The following DIAPH2 variants were observed in gnomAD, a reference collection of about 807,000 sequenced individuals.
DIAPH2 encodes the protein diaphanous related formin 2, also known as protein diaphanous homolog 2.
A neutral mutation model predicts 92.7 loss-of-function variants in DIAPH2; 35 were observed. The ratio of observed to expected loss-of-function variants is 0.38; its 90% CI spans 0.29 to 0.50. DIAPH2 has a LOEUF of 0.50. Ranked by LOEUF, DIAPH2 falls within the 20% of genes least tolerant of loss-of-function variation. The pLI is 0.94. For missense variants in DIAPH2, 701 were observed against 819.5 expected, an observed-to-expected ratio of 0.86 and a Z score of 1.77; for synonymous variants, 301 against 280.4, an observed-to-expected ratio of 1.07 and a Z score of -0.73.
intron 17 of DIAPH2, among the ~76,000 whole-genome samples, chrX:97,022,038 A>G (rs778770036): frequency 1.8e-5 from 2 of 112,081 alleles, no homozygotes; most frequent in Non-Finnish European, 3.8e-5. Flanking sequence ...CTAAGTCTGC[A>G]TTACTGGAGG....
chrX:97,204,650 C>T (rs1185940829), intron 22 of DIAPH2, among the ~76,000 whole-genome samples: 2 of 111,070 alleles, frequency 1.8e-5, no homozygotes, highest in African/African-American at 6.6e-5. Context: ...AACTACAAAC[C>T]ACTGCTCAAG....
rs1280150650 is a variant in DIAPH2 at position 97,075,196 on chromosome X, T to C, written c.2182T>C (p.Tyr728His). 1 of 1,190,822 alleles carries C rather than the reference T, an allele frequency of 8.4e-7. No individual in the cohort carries two copies. The highest frequency in any genetic ancestry group is 1.9e-5 in the South Asian group (1 of 53,737). ...SIFLGSYRMP[Y>H]EDIRNVILEV... ...CTTTCTGGGATCATATCGCATGCCA[T>C]ATGAAGACATAAGAAACGTTATTCT... is the stretch of plus-strand genomic sequence containing the variant. The change falls in exon 19 of 27, where the codon TAT (tyrosine) becomes CAT (histidine). Residue 728 changes from tyrosine to histidine, a missense_variant. By Grantham distance (83) the Tyr-to-His change is moderately conservative. Coordinates refer to ENST00000324765, the MANE Select transcript of DIAPH2 (RefSeq NM_006729.5).
At chrX:97,322,012 C>T (rs757130964) in intron 23 of DIAPH2, among the ~76,000 whole-genome samples, 26 of 111,985 alleles carry the variant, frequency 2.3e-4, no homozygotes, top group African/African-American at 7.1e-4. Flanking sequence ...TTTGGAAGGA[C>T]GTATTTTTAT....
At chrX:96,946,141 A>AT (rs1225688674) in intron 14 of DIAPH2, among the ~76,000 whole-genome samples, 1 of 111,482 alleles carries the variant, frequency 9.0e-6, no homozygotes, top group East Asian at 2.8e-4. Context: ...GAATTTGAGG[A>AT]TCCCTTTTCT....
intron 22 of DIAPH2, among the ~76,000 whole-genome samples, chrX:97,217,276 G>A (rs181464464): frequency 1.5e-4 from 17 of 111,362 alleles, no homozygotes; most frequent in Admixed American, 1.4e-3. Context: ...GGTTTCCTTG[G>A]GCCGAATGGG....
At chrX:96,769,952 C>T (rs2064327856) in intron 4 of DIAPH2, among the ~76,000 whole-genome samples, 1 of 112,027 alleles carries the variant, frequency 8.9e-6, no homozygotes, top group Admixed American at 9.5e-5. Flanking sequence ...AACCCCAGCA[C>T]TTTGGGAGGC....
In DIAPH2 at chrX:97,600,072, T is replaced by C. The variant is rs1283481759; in HGVS notation, c.*755T>C. On this transcript the variant is annotated 3_prime_UTR_variant, in exon 27 of 27. Transcript: ENST00000324765. Reference sequence around the variant, plus strand: ...GAGGTATTTTCTAATTATGCACAGATATCTACTTTATACAAATACTTTATA... The same window carrying C: ...GAGGTATTTTCTAATTATGCACAGACATCTACTTTATACAAATACTTTATA... The C allele has an allele frequency of 8.9e-6, 1 of 112,978 alleles. No homozygotes were observed. The highest frequency in any genetic ancestry group is 3.2e-5 in the African/African-American group (1 of 31,082). The allele number at this position is 112,978 out of a possible 1,213,427, so 9.3% of individuals were successfully genotyped here.
intron 26 of DIAPH2, among the ~76,000 whole-genome samples, chrX:97,585,534 T>G (rs2071473995): frequency 9.2e-6 from 1 of 109,039 alleles, no homozygotes; most frequent in Non-Finnish European, 1.9e-5. Flanking sequence ...GTCCCTTCAT[T>G]GGCCACTGTT....
intron 9 of DIAPH2, among the ~76,000 whole-genome samples, chrX:96,922,389 C>T (rs1460600568): frequency 4.5e-5 from 5 of 110,610 alleles, no homozygotes; most frequent in Non-Finnish European, 9.5e-5. Flanking sequence ...TCTTTTTTGT[C>T]CCCTGCATTC....
chrX:96,899,436 C>T (rs1249454008), intron 5 of DIAPH2, among the ~76,000 whole-genome samples: 1 of 110,585 alleles, frequency 9.0e-6, no homozygotes, highest in Admixed American at 9.6e-5. Context: ...TTGAAGAGGT[C>T]CTTCACATCC....
At chrX:97,246,836 A>G (rs1183951304) in intron 22 of DIAPH2, among the ~76,000 whole-genome samples, 1 of 112,374 alleles carries the variant, frequency 8.9e-6, no homozygotes, top group Non-Finnish European at 1.9e-5. Flanking sequence ...TCAAATTATA[A>G]CACTTACCTC....
At chrX:97,295,893 A>G (rs1344695967) in intron 23 of DIAPH2, among the ~76,000 whole-genome samples, 3 of 109,435 alleles carry the variant, frequency 2.7e-5, no homozygotes, top group Non-Finnish European at 5.7e-5. Flanking sequence ...CACCATGCCC[A>G]GCTAATTTTT....
At chrX:96,774,713 C>A (rs778255833) in intron 4 of DIAPH2, among the ~76,000 whole-genome samples, 1 of 111,808 alleles carries the variant, frequency 8.9e-6, no homozygotes, top group African/African-American at 3.2e-5. Context: ...TTTTTTCTAT[C>A]TGTGTGTTCA....
chrX:97,105,962 C>T (rs2066937529), intron 20 of DIAPH2, among the ~76,000 whole-genome samples: 1 of 110,985 alleles, frequency 9.0e-6, no homozygotes, highest in Non-Finnish European at 1.9e-5. Context: ...GTTGGAAGTA[C>T]AACTATAAAT....
At position 97,429,758 on chromosome X, in the gene DIAPH2, C is replaced by T; in HGVS notation, c.3241+13C>T. 3.4e-6 allele frequency: 4 copies of T among 1,185,955 alleles called. No individual in the cohort carries two copies. The highest frequency in any genetic ancestry group is 4.6e-6 in the Non-Finnish European group (4 of 875,716). ...CCAAGGAATCCAGGTAAAACACATT[C>T]CACCTCACATAGTATTGTAAAATAT... On this transcript the variant is annotated intron_variant, in intron 26 of 26. Coordinates refer to ENST00000324765, the MANE Select transcript of DIAPH2 (RefSeq NM_006729.5).
intron 24 of DIAPH2, among the ~76,000 whole-genome samples, chrX:97,353,258 CT>C (rs1422559572): frequency 9.1e-6 from 1 of 110,366 alleles, no homozygotes; most frequent in Non-Finnish European, 1.9e-5. Context: ...CACAAATAGT[CT>C]TTTTTTTCTT....
intron 16 of DIAPH2, among the ~76,000 whole-genome samples, chrX:96,964,791 G>A (rs1486822388): frequency 9.0e-6 from 1 of 111,211 alleles, no homozygotes; most frequent in African/African-American, 3.3e-5. Flanking sequence ...CCAGGAACAA[G>A]AAGATTTTAT....
Position 97,085,577 on chromosome X carries a change from C to T in DIAPH2, c.2247+10316C>T, listed in dbSNP as rs1004347875. Among the ~76,000 whole-genome samples the T allele has an allele frequency of 2.7e-5, 3 of 110,231 alleles. No individual in the cohort carries two copies. The East Asian group carries it at 8.5e-4, about 31-fold the overall frequency. On this transcript the variant is annotated intron_variant, in intron 19 of 26. Transcript: ENST00000324765. Reference sequence around the variant, plus strand: ...GTAGCTGGGACTACAGACCACCGCCCGGCTAATTTTTGTATTTTTAGTAGA... The same window carrying T: ...GTAGCTGGGACTACAGACCACCGCCTGGCTAATTTTTGTATTTTTAGTAGA...
intron 15 of DIAPH2, chrX:96,953,878 C>G (rs978073949): frequency 8.9e-6 from 1 of 111,774 alleles, no homozygotes; most frequent in African/African-American, 3.3e-5. Flanking sequence ...GCCCATTGTT[C>G]TGGGATATAG....
Sources: allele counts gnomAD v4.1 joint callset (sites outside exome capture counted in the v4.1 genomes callset), GRCh38; gene constraint gnomAD v4.1.1; transcripts MANE v1.5; gene names NCBI Gene and HGNC (gene_info 2026-07-23, HGNC 2026-07-21).